The following GLIPR1L2 variants were observed in gnomAD, a reference collection of about 807,000 sequenced individuals.
The protein encoded by GLIPR1L2 is GLIPR1 like 2, also known as GLIPR1-like protein 2.
A neutral mutation model predicts 28.4 loss-of-function variants in GLIPR1L2; 21 were observed. The observed-to-expected ratio is 0.74, with a 90% CI of 0.52 to 1.06. The LOEUF (loss-of-function observed/expected upper bound fraction) is 1.06. Among genes scored for constraint, GLIPR1L2 ranks in the 50% least tolerant of loss-of-function variants. The pLI, the probability that GLIPR1L2 is intolerant of heterozygous loss-of-function variation, is 0.00. For missense variants in GLIPR1L2, 476 were observed against 416.9 expected (o/e 1.14, Z -1.23); for synonymous variants, 145 against 139.3 (o/e 1.04, Z -0.29).
intron 4 of GLIPR1L2, 121 bp from the exon 5 acceptor site, chr12:75,430,594 G>A: frequency 1.2e-6 from 1 of 853,484 alleles, no homozygotes. Flanking sequence ...GTTGGAGGGA[G>A]GACATCAAAG....
chr12:75,426,513 G>A (rs1193035426), intron 4 of GLIPR1L2, among the ~76,000 whole-genome samples: 1 of 152,152 alleles, frequency 6.6e-6, no homozygotes, highest in African/African-American at 2.4e-5. Flanking sequence ...TATCACCCTG[G>A]TGGTTGCTTT....
At chr12:75,412,992 A>G (rs2045884930) in intron 2 of GLIPR1L2, among the ~76,000 whole-genome samples, 1 of 151,824 alleles carries the variant, frequency 6.6e-6, no homozygotes, top group African/African-American at 2.4e-5. Context: ...TGGCACATAT[A>G]CACCATGGAA....
At chr12:75,403,690 C>T (rs985997984) in intron 1 of GLIPR1L2, among the ~76,000 whole-genome samples, 41 of 152,042 alleles carry the variant, frequency 2.7e-4, no homozygotes, top group African/African-American at 9.7e-4. Context: ...CTCCTTATAC[C>T]ACCTTTGATC....
chr12:75,423,729 C>T (rs2046003602), intron 4 of GLIPR1L2: 1 of 152,802 alleles, frequency 6.5e-6, no homozygotes, highest in African/African-American at 2.4e-5. Flanking sequence ...GCCCTGACCC[C>T]CTGACAGGCC....
chr12:75,406,000 T>G (rs902573333), intron 1 of GLIPR1L2, among the ~76,000 whole-genome samples: 1 of 151,922 alleles, frequency 6.6e-6, no homozygotes, highest in African/African-American at 2.4e-5. Flanking sequence ...TCAAAAGTTT[T>G]TTTTTTTTTT....
chr12:75,421,989 CTTTA>C (rs2045980929), intron 3 of GLIPR1L2, among the ~76,000 whole-genome samples: 2 of 64,982 alleles, frequency 3.1e-5, no homozygotes, highest in African/African-American at 4.6e-5. Flanking sequence ...AATTTTATTT[CTTTA>C]TTTCTTTATT....
At chr12:75,408,664 GC>G (rs1482970177) in intron 1 of GLIPR1L2, among the ~76,000 whole-genome samples, 5 of 152,000 alleles carry the variant, frequency 3.3e-5, no homozygotes, top group Non-Finnish European at 5.9e-5. Flanking sequence ...TATCCGTGCT[GC>G]GGAATACTAT....
chr12:75,395,665 ATCT>A (rs1469716502), intron 1 of GLIPR1L2, among the ~76,000 whole-genome samples: 2 of 151,322 alleles, frequency 1.3e-5, no homozygotes, highest in African/African-American at 4.8e-5. Flanking sequence ...TTTTTATTAA[ATCT>A]TCTTATTAGT....
Position 75,432,658 on chromosome 12 carries a change from A to T in GLIPR1L2, c.*1497A>T, listed in dbSNP as rs1421675691. 2 of 151,974 alleles carry T rather than the reference A, an allele frequency of 1.3e-5. No homozygotes were observed. The highest frequency in any genetic ancestry group is 4.8e-5 in the African/African-American group (2 of 41,366). The allele number at this position is 151,974 out of a possible 1,614,324, so 9.4% of individuals were successfully genotyped here. On this transcript the variant is annotated 3_prime_UTR_variant, in exon 6 of 6. Transcript: ENST00000550916. Reference sequence around the variant, plus strand: ...TTCGAAGTAGGGCAAGATGAGAATTATATTAAAAAGCCCTGAGCTATCCTC... The same window carrying T: ...TTCGAAGTAGGGCAAGATGAGAATTTTATTAAAAAGCCCTGAGCTATCCTC...
chr12:75,422,998 A>G lies in GLIPR1L2; in HGVS notation c.670+9A>G. ...CACAGATTTTCTATGCAGTAAGATA[A>G]AGAAAATAAACATGAAAAAAATGCA... On this transcript the variant is annotated intron_variant, in intron 4 of 5. Coordinates refer to ENST00000550916, the MANE Select transcript of GLIPR1L2 (RefSeq NM_001270396.2). 1 of 1,610,988 alleles carries G rather than the reference A, an allele frequency of 6.2e-7. No homozygotes were observed. Among genetic ancestry groups the G allele is most frequent in the Non-Finnish European group, 8.5e-7 (1 of 1,178,074 alleles).
intron 4 of GLIPR1L2, among the ~76,000 whole-genome samples, chr12:75,428,951 C>T (rs1379897446): frequency 6.6e-6 from 1 of 152,220 alleles, no homozygotes; most frequent in African/African-American, 2.4e-5. Flanking sequence ...TTGGAAACAC[C>T]TGGATGTCCA....
chr12:75,420,202 A>G (rs1290953188), intron 3 of GLIPR1L2, among the ~76,000 whole-genome samples: 1 of 152,280 alleles, frequency 6.6e-6, no homozygotes, highest in Non-Finnish European at 1.5e-5. Context: ...GTGAGTCTGG[A>G]TGGAGAACTT....
At chr12:75,409,450 G>A (rs1414897929) in intron 1 of GLIPR1L2, among the ~76,000 whole-genome samples, 1 of 151,250 alleles carries the variant, frequency 6.6e-6, no homozygotes. Context: ...AGCTAGCCAG[G>A]GAACAGCATC....
intron 3 of GLIPR1L2, among the ~76,000 whole-genome samples, chr12:75,422,149 G>A (rs551426396): frequency 5.4e-5 from 8 of 147,954 alleles, no homozygotes; most frequent in African/African-American, 1.5e-4. Flanking sequence ...CACCATGCCC[G>A]GCTAATTAAA....
rs563753824 is a variant in GLIPR1L2 at position 75,391,457 on chromosome 12, A to T, written c.234+107A>T. On this transcript the variant is annotated intron_variant, in intron 1 of 5. Coordinates refer to ENST00000550916, the MANE Select transcript of GLIPR1L2 (RefSeq NM_001270396.2). ...GCTCTGAGGCTGAAGGATCGCGGAG[A>T]ACCGCACTTTTAGCTTGGTTTTTAA... is the stretch of plus-strand genomic sequence containing the variant. The T allele has an allele frequency of 1.1e-5, 18 of 1,582,650 alleles. No homozygotes were observed. In the African/African-American group the frequency reaches 2.3e-4, roughly 20 times the overall value.
rs2046091442 is a variant in GLIPR1L2 at position 75,431,332 on chromosome 12, T to C, written c.*171T>C. On this transcript the variant is annotated 3_prime_UTR_variant, in exon 6 of 6. Transcript: ENST00000550916. ...TTCTCTCCTATACTTATTCAATCAA[T>C]TTAAATTTGTAAAACAAAGAAACAA... 2.1e-6 allele frequency: 1 copy of C among 480,430 alleles called. No individual in the cohort carries two copies. The highest frequency in any genetic ancestry group is 2.0e-5 in the African/African-American group (1 of 50,588). 29.8% of individuals were successfully genotyped at this position (480,430 alleles called of 1,614,324 possible).
intron 5 of GLIPR1L2, 34 bp from the exon 6 acceptor site, chr12:75,430,790 G>A: frequency 6.5e-7 from 1 of 1,532,530 alleles, no homozygotes; most frequent in East Asian, 2.4e-5. Flanking sequence ...TGCTTTATAT[G>A]AAATCCAGCT....
chr12:75,429,935 TTTC>T (rs1305452916), intron 4 of GLIPR1L2, among the ~76,000 whole-genome samples: 785 of 51,754 alleles, frequency 0.015, 14 homozygotes, highest in African/African-American at 0.034. Context: ...TTTTCTTTTC[TTTC>T]TTTTTTTTTT....
chr12:75,420,289 G>A (rs1169367339), intron 3 of GLIPR1L2, among the ~76,000 whole-genome samples: 1 of 152,198 alleles, frequency 6.6e-6, no homozygotes, highest in African/African-American at 2.4e-5. Context: ...GAACAAGATG[G>A]TGGCAGATAC....
Sources: gnomAD v4.1 joint callset for allele counts (sites outside exome capture counted in the v4.1 genomes callset) on GRCh38, gnomAD v4.1.1 for gene constraint, MANE v1.5 for transcripts, NCBI Gene and HGNC (gene_info 2026-07-23, HGNC 2026-07-21) for gene names.